Variants in PRICKLE1 observed in about 807,000 individuals in gnomAD.
PRICKLE1 encodes prickle-like protein 1.
Under a neutral mutation model 70.2 loss-of-function variants are expected in PRICKLE1, and 14 were observed. The observed-to-expected ratio is 0.20, with a 90% CI of 0.13 to 0.31. The LOEUF is 0.31. Among genes scored for constraint, PRICKLE1 ranks in the 10% least tolerant of loss-of-function variants. The pLI, the probability that PRICKLE1 is intolerant of heterozygous loss-of-function variation, is 1.00. For missense variants in PRICKLE1, 821 were observed against 1,026.2 expected (o/e 0.80, Z 2.73); for synonymous variants, 357 against 379.9 (o/e 0.94, Z 0.70).
At chr12:42,467,028 C>T (rs1938121269) in intron 5 of PRICKLE1, among the ~76,000 whole-genome samples, 1 of 152,208 alleles carries the variant, frequency 6.6e-6, no homozygotes, top group Non-Finnish European at 1.5e-5. Context: ...AAGGGCACAA[C>T]CACCATGCCC....
At chr12:42,483,939 A>G (rs967389756) in intron 1 of PRICKLE1, 23 of 134,338 alleles carry the variant, frequency 1.7e-4, no homozygotes, top group African/African-American at 5.7e-4. Flanking sequence ...TGCGGGGAGA[A>G]AAACTCGTCT....
chr12:42,489,073 G>A (rs911095031), intron 1 of PRICKLE1, among the ~76,000 whole-genome samples: 4 of 151,618 alleles, frequency 2.6e-5, no homozygotes, highest in African/African-American at 4.8e-5. Context: ...ACAGGCATGC[G>A]CAACCACGCC....
rs1329186728 is a variant in PRICKLE1 at position 42,472,402 on chromosome 12, C to G, written c.115G>C (p.Gly39Arg). Reference sequence around the variant, plus strand: ...GTTCCTACCTGCTCTGGTCTCAGGCCCGGGGGGACCCAGGCGTACTCCTCC... The same window carrying G: ...GTTCCTACCTGCTCTGGTCTCAGGCGCGGGGGGACCCAGGCGTACTCCTCC... The part of the protein sequence containing the change: ...ALEEYAWVPP[G>R]LRPEQIQLYF... The change falls in exon 2 of 8, where the codon GGC becomes CGC. Residue 39 changes from glycine (G) to arginine (R), a missense_variant. Transcript: ENST00000345127. 6.2e-7 allele frequency: 1 copy of G among 1,614,046 alleles called. No individual in the cohort carries two copies. Among genetic ancestry groups the G allele is most frequent in the Non-Finnish European group, 8.5e-7 (1 of 1,180,020 alleles).
intron 2 of PRICKLE1, among the ~76,000 whole-genome samples, chr12:42,471,218 GC>G (rs771710168): frequency 6.6e-6 from 1 of 152,166 alleles, no homozygotes; most frequent in Non-Finnish European, 1.5e-5. Flanking sequence ...CTGGAGAGAA[GC>G]CACATTGAGC....
At chr12:42,470,211 C>T (rs1300500276) in intron 3 of PRICKLE1, 35 bp downstream of exon 3, 1 of 1,464,530 alleles carries the variant, frequency 6.8e-7, no homozygotes, top group Non-Finnish European at 9.6e-7. Context: ...ATTTTTTCTT[C>T]TTTTTTCTAA....
chr12:42,506,819 C>A (rs1271101988), intron 1 of PRICKLE1, among the ~76,000 whole-genome samples: 1 of 151,940 alleles, frequency 6.6e-6, no homozygotes, highest in African/African-American at 2.4e-5. Flanking sequence ...GATCTACCCG[C>A]CTCGACCTCC....
chr12:42,559,635 TTG>T (rs1940470713), intron 1 of PRICKLE1, among the ~76,000 whole-genome samples: 2 of 102,272 alleles, frequency 2.0e-5, no homozygotes, highest in Non-Finnish European at 3.8e-5. Flanking sequence ...TTTTTTTTTT[TTG>T]GGGGGGGTAG....
chr12:42,551,891 A>G (rs902391109), intron 1 of PRICKLE1, among the ~76,000 whole-genome samples: 6 of 152,162 alleles, frequency 3.9e-5, no homozygotes, highest in Non-Finnish European at 8.8e-5. Context: ...ACACCACCTC[A>G]ACCAAAAAAC....
At chr12:42,529,925 T>TTTCC (rs1375599245) in intron 1 of PRICKLE1, among the ~76,000 whole-genome samples, 3 of 127,874 alleles carry the variant, frequency 2.3e-5, no homozygotes, top group African/African-American at 3.0e-5. Context: ...TCTTTTCTCT[T>TTTCC]TTCCTTCCTT....
At chr12:42,576,014 T>C (rs1403621162) in intron 1 of PRICKLE1, among the ~76,000 whole-genome samples, 2 of 152,318 alleles carry the variant, frequency 1.3e-5, no homozygotes, top group Non-Finnish European at 2.9e-5. Flanking sequence ...CTTCCTCCCT[T>C]ACAAAACACT....
At chr12:42,547,035 T>G (rs1940227857) in intron 1 of PRICKLE1, among the ~76,000 whole-genome samples, 1 of 152,214 alleles carries the variant, frequency 6.6e-6, no homozygotes, top group African/African-American at 2.4e-5. Flanking sequence ...TTGAATTAGC[T>G]GCAAGTTCCA....
chr12:42,538,405 A>T (rs942966488), intron 1 of PRICKLE1, among the ~76,000 whole-genome samples: 1 of 152,170 alleles, frequency 6.6e-6, no homozygotes, highest in Non-Finnish European at 1.5e-5. Context: ...GTTCTGACTC[A>T]GCATTTCTCA....
At position 42,464,595 on chromosome 12, in the gene PRICKLE1, A is replaced by G; in HGVS notation, c.1439T>C (p.Leu480Pro). The G allele has an allele frequency of 6.2e-7, 1 of 1,614,004 alleles. No individual in the cohort carries two copies. The highest frequency in any genetic ancestry group is 8.5e-7 in the Non-Finnish European group (1 of 1,180,006). ...GTGGCTGCCATAAGCAGAATCGCCC[A>G]GTCCATCTTGTGACTGTGCCCAGTA... is the stretch of plus-strand genomic sequence containing the variant. ...DMYWAQSQDGLGDSAYGSHPG... is the reference protein window; with the variant it reads ...DMYWAQSQDGPGDSAYGSHPG... Residue 480 changes from leucine to proline, a missense_variant, in exon 7 of 8, where the codon CTG becomes CCG. Physicochemically the swap from Leu to Pro is moderately conservative, Grantham distance 98 (BLOSUM62 -3). Transcript: ENST00000345127. This position sits in a 1 kb window ranked among gnomAD's most constrained non-coding sequence, Gnocchi z 4.2.
chr12:42,566,971 CAT>C (rs1337513127), intron 1 of PRICKLE1, among the ~76,000 whole-genome samples: 1 of 152,180 alleles, frequency 6.6e-6, no homozygotes, highest in Non-Finnish European at 1.5e-5. Flanking sequence ...GAAAATAAAA[CAT>C]ATGAGGGGCA....
intron 1 of PRICKLE1, among the ~76,000 whole-genome samples, chr12:42,580,457 G>C (rs904612750): frequency 6.6e-6 from 1 of 152,140 alleles, no homozygotes; most frequent in Non-Finnish European, 1.5e-5. Flanking sequence ...GCACCATGGA[G>C]TATGCCTAAA....
chr12:42,537,506 C>T (rs1420830771), intron 1 of PRICKLE1, among the ~76,000 whole-genome samples: 1 of 152,102 alleles, frequency 6.6e-6, no homozygotes, highest in Non-Finnish European at 1.5e-5. Context: ...GGAACAAAAA[C>T]CCAAACCAAA....
At chr12:42,523,641 G>A (rs1206156654) in intron 1 of PRICKLE1, among the ~76,000 whole-genome samples, 1 of 152,188 alleles carries the variant, frequency 6.6e-6, no homozygotes, top group Non-Finnish European at 1.5e-5. Context: ...AGAGCCATAT[G>A]GGTGCATTAA....
In PRICKLE1 at chr12:42,468,674, G is replaced by A. The variant is rs1938195548; in HGVS notation, c.540C>T (p.Gly180=). Residue 180 remains glycine (G), a synonymous_variant, in exon 5 of 8, where the codon GGC becomes GGT. Transcript: ENST00000345127. ...GTTTGAGCAGTTCTGCATGGTGCCT[G>A]CCACAGTGAATTTTTCCATCCTGAT... The part of the protein sequence containing the change: ...YFYQDGKIHC[G]RHHAELLKPR... 1.2e-6 allele frequency: 2 copies of A among 1,614,060 alleles called. No homozygotes were observed. The highest frequency in any genetic ancestry group is 1.7e-6 in the Non-Finnish European group (2 of 1,180,002).
intron 1 of PRICKLE1, among the ~76,000 whole-genome samples, chr12:42,556,610 C>T (rs543683104): frequency 6.6e-6 from 1 of 152,046 alleles, no homozygotes. Context: ...GGATCCAGTA[C>T]GAAGTAGGGA....
Sources: gnomAD v4.1 joint callset for allele counts (sites outside exome capture counted in the v4.1 genomes callset) on GRCh38, gnomAD v4.1.1 for gene constraint, Gnocchi (gnomAD v3.1) non-coding constraint, MANE v1.5 for transcripts, NCBI Gene and HGNC (gene_info 2026-07-23, HGNC 2026-07-21) for gene names.